WDPCP: variants seen among roughly 807,000 people sequenced by gnomAD.
WDPCP encodes WD repeat containing planar cell polarity effector, also known as WD repeat-containing and planar cell polarity effector protein fritz homolog.
A neutral mutation model predicts 93.1 loss-of-function variants in WDPCP; 71 were observed. The observed-to-expected ratio is 0.76, with a 90% CI of 0.63 to 0.93. WDPCP has a LOEUF of 0.93. Ranked by LOEUF, WDPCP falls within the 40% of genes least tolerant of loss-of-function variation. The pLI is 0.00. For missense variants in WDPCP, 844 were observed against 887.4 expected (o/e 0.95, Z 0.62); for synonymous variants, 315 against 315.0 (o/e 1.00, Z 0.00).
chr2:63,248,155 GATA>G (rs1680435384), intron 14 of WDPCP, among the ~76,000 whole-genome samples: 2 of 152,014 alleles, frequency 1.3e-5, no homozygotes, highest in African/African-American at 4.8e-5. Context: ...AATTCAGGTT[GATA>G]ATAATAAGTA....
chr2:63,355,659 C>A (rs1021447348), intron 12 of WDPCP, among the ~76,000 whole-genome samples: 6 of 152,072 alleles, frequency 3.9e-5, no homozygotes, highest in African/African-American at 1.4e-4. Flanking sequence ...GCAGGTGGAT[C>A]ACTTGAGGTC....
chr2:63,131,068 G>A (rs1327897727), intron 17 of WDPCP, among the ~76,000 whole-genome samples: 3 of 151,958 alleles, frequency 2.0e-5, no homozygotes, highest in Non-Finnish European at 4.4e-5. Flanking sequence ...TTCCATTTCA[G>A]CTTATGTGTT....
intron 14 of WDPCP, among the ~76,000 whole-genome samples, chr2:63,210,172 A>C (rs2104400763): frequency 6.6e-6 from 1 of 152,094 alleles, no homozygotes; most frequent in African/African-American, 2.4e-5. Context: ...ATACATATGT[A>C]ATTGCAAACC....
chr2:63,465,134 A>T (rs188585914), intron 6 of WDPCP, among the ~76,000 whole-genome samples: 74 of 151,788 alleles, frequency 4.9e-4, no homozygotes, highest in African/African-American at 1.5e-3. Flanking sequence ...AAATTTATTT[A>T]TTATTTATTT....
chr2:63,440,655 G>A (rs929509554), intron 6 of WDPCP: 3 of 152,424 alleles, frequency 2.0e-5, no homozygotes, highest in Non-Finnish European at 2.9e-5. Context: ...ATGCATATGC[G>A]TATGCTTGTT....
rs369133711 is a variant in WDPCP at position 63,179,430 on chromosome 2, G to C, written c.1916-4598C>G. Among the ~76,000 whole-genome samples the C allele has an allele frequency of 1.5e-3, 221 of 151,956 alleles. 7 individuals carry two copies. The South Asian group carries it at 0.044, about 31-fold the overall frequency. On this transcript the variant is annotated intron_variant, in intron 14 of 17. Transcript: ENST00000272321. ...GCACCATCCCCTTGGTGCTGTCTTT[G>C]CAATAGTGAGTTCTCATGAGATCTG...
At chr2:63,161,925 A>G (rs1388929590) in intron 15 of WDPCP, among the ~76,000 whole-genome samples, 2 of 151,980 alleles carry the variant, frequency 1.3e-5, no homozygotes, top group African/African-American at 4.8e-5. Flanking sequence ...CACCACACCC[A>G]GTTAATTTTT....
chr2:63,193,117 T>G (rs1675165256), intron 14 of WDPCP, among the ~76,000 whole-genome samples: 1 of 152,208 alleles, frequency 6.6e-6, no homozygotes, highest in Admixed American at 6.5e-5. Context: ...ACACAGCAAT[T>G]ATACTACAAA....
Position 63,251,776 on chromosome 2 carries a change from C to T in WDPCP, c.1915+7531G>A, listed in dbSNP as rs530882987. The stretch of plus-strand genomic sequence containing the variant: ...AAAGTGCTGGGATTACAGGCGTGAG[C>T]CACCGTGCCTAGCCAGAAAGCCTAC... On this transcript the variant is annotated intron_variant, in intron 14 of 17. Transcript: ENST00000272321. 2.6e-5 allele frequency among the ~76,000 whole-genome samples: 4 copies of T among 151,876 alleles called. No individual in the cohort carries two copies. In the South Asian group the frequency reaches 8.3e-4, roughly 32 times the overall value.
chr2:63,687,718 C>A (rs1016907690), intron 2 of WDPCP, among the ~76,000 whole-genome samples: 1 of 151,986 alleles, frequency 6.6e-6, no homozygotes, highest in Non-Finnish European at 1.5e-5. Context: ...AAAAAAGAAC[C>A]CCCGTGCATT....
intron 2 of WDPCP, 41 bp from the exon 3 acceptor site, chr2:63,487,535 G>A (rs1420659471): frequency 3.4e-6 from 5 of 1,469,786 alleles, no homozygotes; most frequent in Admixed American, 1.7e-5. Flanking sequence ...TGATTTAAAA[G>A]TCCCAGAGAA....
chr2:63,728,315 T>G (rs1333282402), intron 2 of WDPCP, among the ~76,000 whole-genome samples: 1 of 152,152 alleles, frequency 6.6e-6, no homozygotes, highest in Non-Finnish European at 1.5e-5. Flanking sequence ...TGGCTCCTAT[T>G]CAAAGGAGCT....
At chr2:63,386,298 A>G (rs1033234271) in intron 10 of WDPCP, among the ~76,000 whole-genome samples, 4 of 152,160 alleles carry the variant, frequency 2.6e-5, no homozygotes, top group African/African-American at 9.6e-5. Flanking sequence ...AATATTCACA[A>G]TACAAGTATC....
At chr2:63,783,061 T>A (rs1392548207) in intron 2 of WDPCP, among the ~76,000 whole-genome samples, 2 of 152,008 alleles carry the variant, frequency 1.3e-5, no homozygotes, top group African/African-American at 4.8e-5. Context: ...AGAACTGCCA[T>A]GTGATCCAGA....
At chr2:63,300,531 C>T (rs1225263905) in intron 13 of WDPCP, among the ~76,000 whole-genome samples, 1 of 152,186 alleles carries the variant, frequency 6.6e-6, no homozygotes, top group Non-Finnish European at 1.5e-5. Context: ...TCTGGACTGA[C>T]CCCAGCCTCT....
chr2:63,127,702 C>T (rs1670019284), intron 17 of WDPCP, among the ~76,000 whole-genome samples: 1 of 147,170 alleles, frequency 6.8e-6, no homozygotes. Flanking sequence ...TATACGCACA[C>T]ACACACATAT....
chr2:63,701,204 G>A (rs1669044475), intron 2 of WDPCP, among the ~76,000 whole-genome samples: 1 of 152,012 alleles, frequency 6.6e-6, no homozygotes, highest in Non-Finnish European at 1.5e-5. Flanking sequence ...GATCTGAATA[G>A]ACATTTTTCA....
intron 6 of WDPCP, among the ~76,000 whole-genome samples, chr2:63,456,780 G>GC (rs1341324563): frequency 6.6e-6 from 1 of 152,162 alleles, no homozygotes; most frequent in African/African-American, 2.4e-5. Flanking sequence ...ACTTTGGGAG[G>GC]CTGAGGCAGG....
At chr2:63,276,095 A>G (rs925478896) in intron 13 of WDPCP, among the ~76,000 whole-genome samples, 5 of 152,210 alleles carry the variant, frequency 3.3e-5, no homozygotes, top group Non-Finnish European at 7.3e-5. Context: ...AGAGCCCAGT[A>G]GCTCCACTGG....
Sources: allele counts gnomAD v4.1 joint callset (sites outside exome capture counted in the v4.1 genomes callset), GRCh38; gene constraint gnomAD v4.1.1; transcripts MANE v1.5; gene names NCBI Gene and HGNC (gene_info 2026-07-23, HGNC 2026-07-21).